C8orf34: variants seen among roughly 807,000 people sequenced by gnomAD.
C8orf34 encodes the protein uncharacterized protein C8orf34.
Under a neutral mutation model 68.3 loss-of-function variants are expected in C8orf34, and 65 were observed. The observed-to-expected ratio is 0.95, with a 90% CI of 0.78 to 1.17. C8orf34 has a LOEUF of 1.17. Among genes scored for constraint, C8orf34 ranks in the 50% most tolerant of loss-of-function variants. The pLI, the probability that C8orf34 is intolerant of heterozygous loss-of-function variation, is 0.00. For synonymous variants in C8orf34, 244 were observed against 241.2 expected (o/e 1.01, Z -0.11); for missense variants, 664 against 655.4 (o/e 1.01, Z -0.14).
chr8:68,603,009 A>G (rs1817743731), intron 7 of C8orf34, among the ~76,000 whole-genome samples: 1 of 152,134 alleles, frequency 6.6e-6, no homozygotes, highest in Non-Finnish European at 1.5e-5. Context: ...TTCAGCATGT[A>G]TAGCAGGCAA....
chr8:68,755,787 C>T (rs1179864210), intron 10 of C8orf34, among the ~76,000 whole-genome samples: 1 of 152,168 alleles, frequency 6.6e-6, no homozygotes, highest in African/African-American at 2.4e-5. Context: ...ACTGGCCAGG[C>T]GCGGTGGCTC....
chr8:68,554,559 A>C (rs1016334184), intron 7 of C8orf34, among the ~76,000 whole-genome samples: 2 of 152,128 alleles, frequency 1.3e-5, no homozygotes, highest in African/African-American at 4.8e-5. Flanking sequence ...ATAATTATAC[A>C]ATAGTTTAAA....
chr8:68,405,514 C>G (rs1398219282), intron 1 of C8orf34, among the ~76,000 whole-genome samples: 1 of 152,154 alleles, frequency 6.6e-6, no homozygotes, highest in Admixed American at 6.5e-5. Flanking sequence ...GCAGACAGCT[C>G]ATAGCTGTGG....
At chr8:68,456,664 A>T (rs1415975651) in intron 3 of C8orf34, among the ~76,000 whole-genome samples, 1 of 152,244 alleles carries the variant, frequency 6.6e-6, no homozygotes, top group Non-Finnish European at 1.5e-5. Flanking sequence ...ACATTATATT[A>T]TCAATCTTCA....
intron 7 of C8orf34, among the ~76,000 whole-genome samples, chr8:68,570,156 A>C (rs1032498441): frequency 1.3e-5 from 2 of 152,230 alleles, no homozygotes; most frequent in African/African-American, 4.8e-5. Context: ...GCACACCTGA[A>C]CATGACCTGA....
chr8:68,673,354 G>A (rs369158445), intron 8 of C8orf34, among the ~76,000 whole-genome samples: 16 of 152,132 alleles, frequency 1.1e-4, no homozygotes, highest in South Asian at 4.2e-4. Flanking sequence ...AATTCCAGGC[G>A]TGTGCTCTTG....
chr8:68,468,523 A>T (rs1812242222), intron 3 of C8orf34, among the ~76,000 whole-genome samples, 169 bp from the exon 4 acceptor site: 2 of 152,044 alleles, frequency 1.3e-5, no homozygotes, highest in African/African-American at 4.8e-5. Context: ...ATTTTCTTTA[A>T]GCCTGGCTTC....
chr8:68,493,439 G>A (rs946397300), intron 5 of C8orf34, among the ~76,000 whole-genome samples: 2 of 152,120 alleles, frequency 1.3e-5, no homozygotes, highest in Non-Finnish European at 2.9e-5. Flanking sequence ...AGACCCATTA[G>A]GATGGCCACT....
At chr8:68,358,404 A>G (rs1344382572) in intron 1 of C8orf34, among the ~76,000 whole-genome samples, 1 of 151,490 alleles carries the variant, frequency 6.6e-6, no homozygotes, top group Admixed American at 6.6e-5. Flanking sequence ...CCAGCTTGCC[A>G]TTTGGATCTC....
At chr8:68,785,843 C>A (rs550840604) in intron 11 of C8orf34, among the ~76,000 whole-genome samples, 12 of 152,294 alleles carry the variant, frequency 7.9e-5, no homozygotes, top group Non-Finnish European at 1.8e-4. Context: ...ACCCACCACT[C>A]CACTTCCAAA....
At chr8:68,535,127 A>G in intron 7 of C8orf34, 1 of 984,996 alleles carries the variant, frequency 1.0e-6, no homozygotes. Context: ...GCCATATTCA[A>G]TTTCTTGTTT....
At chr8:68,724,096 T>C (rs1419376841) in intron 10 of C8orf34, among the ~76,000 whole-genome samples, 1 of 152,134 alleles carries the variant, frequency 6.6e-6, no homozygotes, top group Non-Finnish European at 1.5e-5. Context: ...AATTTCTAGA[T>C]GGTAGCTGCT....
At chr8:68,486,432 T>C (rs866955991) in intron 4 of C8orf34, among the ~76,000 whole-genome samples, 1 of 152,314 alleles carries the variant, frequency 6.6e-6, no homozygotes, top group Middle Eastern at 3.4e-3. Flanking sequence ...GAAATGGTAG[T>C]TAGACTCTCT....
Position 68,640,281 on chromosome 8 carries a change from T to G in C8orf34, c.1106-95T>G. ...CAAAGGGGATATATATTGTTTTGCT[T>G]AACAAACTAATGGCAGATACCTGAA... On this transcript the variant is annotated intron_variant, in intron 7 of 13. Transcript: ENST00000518698. The G allele has an allele frequency of 2.5e-6, 3 of 1,178,626 alleles. No individual in the cohort carries two copies. The South Asian group carries it at 4.4e-5, about 17-fold the overall frequency. 73.0% of individuals were successfully genotyped at this position (1,178,626 alleles called of 1,614,324 possible). A position where few individuals can be genotyped will look rare whatever the true frequency, so the allele number is the denominator to read the frequency against.
chr8:68,688,138 C>T (rs192661866), intron 8 of C8orf34, among the ~76,000 whole-genome samples: 4 of 151,968 alleles, frequency 2.6e-5, no homozygotes. Flanking sequence ...TAGATGTTGG[C>T]ATGGATGTGA....
At chr8:68,803,207 T>G (rs1477557693) in intron 12 of C8orf34, among the ~76,000 whole-genome samples, 1 of 152,022 alleles carries the variant, frequency 6.6e-6, no homozygotes. Context: ...AGAAAAACTT[T>G]TTGCCAAATA....
At chr8:68,616,189 T>C (rs2130599769) in intron 7 of C8orf34, among the ~76,000 whole-genome samples, 1 of 151,942 alleles carries the variant, frequency 6.6e-6, no homozygotes, top group East Asian at 1.9e-4. Context: ...CTTTTCTTCT[T>C]TATTAGTCTT....
chr8:68,361,566 T>G (rs780641459), intron 1 of C8orf34, among the ~76,000 whole-genome samples: 1 of 152,268 alleles, frequency 6.6e-6, no homozygotes, highest in Non-Finnish European at 1.5e-5. Flanking sequence ...GCCTGTTGAA[T>G]TAAATATGTT....
intron 5 of C8orf34, among the ~76,000 whole-genome samples, chr8:68,518,352 T>G (rs1658963393): frequency 6.6e-6 from 1 of 152,314 alleles, no homozygotes; most frequent in Non-Finnish European, 1.5e-5. Context: ...TATATATAAA[T>G]TTGTATATAA....
Sources: gnomAD v4.1 joint callset for allele counts (sites outside exome capture counted in the v4.1 genomes callset) on GRCh38, gnomAD v4.1.1 for gene constraint, MANE v1.5 for transcripts, NCBI Gene and HGNC (gene_info 2026-07-23, HGNC 2026-07-21) for gene names.